Variants in STK10 observed in about 807,000 individuals in gnomAD.
STK10 encodes serine/threonine kinase 10, also known as serine/threonine-protein kinase 10.
A neutral mutation model predicts 113.8 loss-of-function variants in STK10; 78 were observed. The observed-to-expected ratio is 0.69, with a 90% confidence interval of 0.57 to 0.83. STK10 has a LOEUF of 0.83. STK10 is among the 40% of genes least tolerant of loss of function. STK10 has a pLI of 0.00. For synonymous variants in STK10, 465 were observed against 494.7 expected, an observed-to-expected ratio of 0.94 and a Z score of 0.80; for missense variants, 1,109 against 1,280.1, an observed-to-expected ratio of 0.87 and a Z score of 2.04.
intron 7 of STK10, among the ~76,000 whole-genome samples, chr5:172,097,521 C>T (rs1768883934): frequency 1.3e-5 from 2 of 152,230 alleles, no homozygotes; most frequent in African/African-American, 2.4e-5. Context: ...TGCAGTCTTT[C>T]GCGTTGGCTT....
intron 10 of STK10, among the ~76,000 whole-genome samples, chr5:172,083,925 G>GAAAAAAAAAAAA (rs58326550): frequency 9.3e-5 from 8 of 85,752 alleles, no homozygotes; most frequent in Admixed American, 1.5e-4. Flanking sequence ...ACAAAAAAAA[G>GAAAAAAAAAAAA]AAAAAAAAAA....
chr5:172,135,390 T>C (rs1456890647), intron 2 of STK10, among the ~76,000 whole-genome samples: 4 of 152,088 alleles, frequency 2.6e-5, no homozygotes, highest in African/African-American at 9.7e-5. Flanking sequence ...CACACGCCTG[T>C]AGTCCCAGTT....
At chr5:172,164,296 G>A (rs1397088442) in intron 1 of STK10, among the ~76,000 whole-genome samples, 1 of 151,218 alleles carries the variant, frequency 6.6e-6, no homozygotes, top group East Asian at 1.9e-4. Context: ...TGAGCCAGCT[G>A]AGACTGCTGC....
At position 172,119,045 on chromosome 5, in the gene STK10, C is replaced by G. The variant is rs571209776; in HGVS notation, c.371-1415G>C. Among the ~76,000 whole-genome samples the G allele has an allele frequency of 8.5e-5, 13 of 152,064 alleles. No individual in the cohort carries two copies. In the East Asian group the frequency reaches 1.2e-3, roughly 14 times the overall value. ...TGCGGATGCGGAAGGGCCAGAGAGG[C>G]CGGAGGGCTGGTTGCCAAGAGCCTT... On this transcript the variant is annotated intron_variant, in intron 3 of 18. Transcript: ENST00000176763.
rs1334766068 is a variant in STK10 at position 172,044,987 on chromosome 5, C to T, written c.2802G>A (p.Glu934=). The T allele has an allele frequency of 7.4e-6, 12 of 1,614,086 alleles. No homozygotes were observed. The highest frequency in any genetic ancestry group is 2.7e-5 in the African/African-American group (2 of 74,932). ...CGCTCAGCTTGAAGAACATCTCCTG[C>T]TCCCGCTTCTTCTGGTTCAGATCCT... ...LEEDLNQKKR[E]QEMFFKLSEE... The change falls in exon 19 of 19, where the codon GAG becomes GAA. Residue 934 remains glutamate, a synonymous_variant. Coordinates refer to ENST00000176763, the MANE Select transcript of STK10 (RefSeq NM_005990.4). This position sits in a 1 kb window ranked among gnomAD's most constrained non-coding sequence, Gnocchi z 4.5.
At chr5:172,155,751 T>A (rs1444926768) in intron 2 of STK10, among the ~76,000 whole-genome samples, 1 of 151,534 alleles carries the variant, frequency 6.6e-6, no homozygotes, top group Non-Finnish European at 1.5e-5. Flanking sequence ...TCCCAGCACT[T>A]TGGGAGGCCA....
intron 18 of STK10, among the ~76,000 whole-genome samples, chr5:172,047,933 T>C (rs1434601073): frequency 6.8e-6 from 1 of 147,940 alleles, no homozygotes; most frequent in African/African-American, 2.5e-5. Context: ...GACGGAGTCT[T>C]GCTCTGTCAC....
At chr5:172,115,926 T>C (rs576494040) in intron 4 of STK10, among the ~76,000 whole-genome samples, 1 of 152,292 alleles carries the variant, frequency 6.6e-6, no homozygotes, top group African/African-American at 2.4e-5. Flanking sequence ...GCTTCCTGAC[T>C]GGTCCACCTG....
intron 12 of STK10, among the ~76,000 whole-genome samples, chr5:172,069,812 A>AC (rs1482450571): frequency 1.3e-5 from 2 of 152,178 alleles, no homozygotes; most frequent in African/African-American, 4.8e-5. Context: ...AATTAAGTTG[A>AC]CCTACTTGAC....
chr5:172,096,330 C>T (rs1768852803), intron 8 of STK10, 96 bp downstream of exon 8: 2 of 1,551,502 alleles, frequency 1.3e-6, no homozygotes, highest in South Asian at 2.3e-5. Flanking sequence ...TTGCCTGAGC[C>T]AGAGTCCTGG....
At chr5:172,090,191 C>G in intron 10 of STK10, 41 bp downstream of exon 10, 1 of 1,610,320 alleles carries the variant, frequency 6.2e-7, no homozygotes, top group Non-Finnish European at 8.5e-7. Flanking sequence ...TTACCATAGC[C>G]CCACCCTGTT....
chr5:172,110,139 G>A (rs548565666), intron 4 of STK10, among the ~76,000 whole-genome samples: 13 of 152,298 alleles, frequency 8.5e-5, no homozygotes, highest in Admixed American at 3.9e-4. Flanking sequence ...GAGGACCCTC[G>A]GGGAATCCAC....
rs1260130806 is a variant in STK10 at position 172,156,473 on chromosome 5, T to C, written c.321+151A>G. 3 of 978,954 alleles carry C rather than the reference T, an allele frequency of 3.1e-6. No individual in the cohort carries two copies. The Admixed American group carries it at 9.1e-5, about 30-fold the overall frequency. 60.6% of individuals were successfully genotyped at this position (978,954 alleles called of 1,614,324 possible). On this transcript the variant is annotated intron_variant, in intron 2 of 18. Coordinates refer to ENST00000176763, the MANE Select transcript of STK10 (RefSeq NM_005990.4). ...GGCACCACAGGAAAGGGTGGGTAAG[T>C]GGCCAGGAGCTCCCTACTTCACCAT...
intron 9 of STK10, 104 bp from the exon 10 acceptor site, chr5:172,090,466 C>T (rs1768674894): frequency 4.0e-6 from 6 of 1,482,928 alleles, no homozygotes; most frequent in Admixed American, 2.1e-5. Context: ...AGCTTCAGAA[C>T]CACCCCCAGA....
intron 13 of STK10, chr5:172,063,672 A>C (rs1461406881): frequency 6.6e-6 from 1 of 150,566 alleles, no homozygotes; most frequent in Non-Finnish European, 1.5e-5. Context: ...TGGGACAGAC[A>C]GGTCATAGGG....
At chr5:172,116,956 T>C (rs116294092) in intron 4 of STK10, among the ~76,000 whole-genome samples, 2,159 of 152,108 alleles carry the variant, frequency 0.014, 46 homozygotes, top group African/African-American at 0.048. Context: ...CATCCCTCCA[T>C]CCATCACTCT....
chr5:172,101,129 C>T (rs570899627), intron 7 of STK10, among the ~76,000 whole-genome samples: 5 of 152,314 alleles, frequency 3.3e-5, no homozygotes, highest in African/African-American at 1.2e-4. Context: ...TATTTATAAT[C>T]GTACCTGGCA....
At chr5:172,069,509 A>G (rs749362549) in intron 12 of STK10, among the ~76,000 whole-genome samples, 1 of 152,178 alleles carries the variant, frequency 6.6e-6, no homozygotes, top group African/African-American at 2.4e-5. Context: ...AGTCTTAGCT[A>G]AAGTCTAGGA....
intron 7 of STK10, among the ~76,000 whole-genome samples, chr5:172,097,989 C>A (rs574371995): frequency 6.6e-6 from 1 of 152,240 alleles, no homozygotes; most frequent in African/African-American, 2.4e-5. Flanking sequence ...CCGAAGGCCA[C>A]TGGGAAAGGA....
Sources: gnomAD v4.1 joint callset for allele counts (sites outside exome capture counted in the v4.1 genomes callset) on GRCh38, gnomAD v4.1.1 for gene constraint, Gnocchi (gnomAD v3.1) non-coding constraint, MANE v1.5 for transcripts, NCBI Gene and HGNC (gene_info 2026-07-23, HGNC 2026-07-21) for gene names.